PPP4R2: variants seen among roughly 807,000 people sequenced by gnomAD.
PPP4R2 encodes the protein serine/threonine-protein phosphatase 4 regulatory subunit 2.
In PPP4R2, 13 loss-of-function variants were observed where a neutral mutation model predicts 47.2. The observed-to-expected ratio is 0.28, with a 90% CI of 0.18 to 0.44. PPP4R2 has a LOEUF of 0.44. Ranked by LOEUF, PPP4R2 falls within the 20% of genes least tolerant of loss-of-function variation. The pLI is 1.00. For synonymous variants in PPP4R2, 151 were observed against 163.3 expected (o/e 0.92, Z 0.57); for missense variants, 421 against 491.2 (o/e 0.86, Z 1.35).
At chr3:73,011,930 G>C (rs1186482595) in intron 2 of PPP4R2, among the ~76,000 whole-genome samples, 1 of 152,158 alleles carries the variant, frequency 6.6e-6, no homozygotes, top group Non-Finnish European at 1.5e-5. Context: ...ATATGCTATA[G>C]AATTTGAAAT....
intron 1 of PPP4R2, 122 bp downstream of exon 1, chr3:72,997,193 C>T: frequency 4.3e-6 from 3 of 698,916 alleles, no homozygotes; most frequent in East Asian, 3.4e-5. Context: ...GCTTCCCGGG[C>T]TCCCATCCCC....
At chr3:72,998,631 ACT>A (rs1701399625) in intron 2 of PPP4R2, among the ~76,000 whole-genome samples, 1 of 151,796 alleles carries the variant, frequency 6.6e-6, no homozygotes, top group Non-Finnish European at 1.5e-5. Flanking sequence ...CGTCTGGAGG[ACT>A]CTGTTATTAT....
intron 3 of PPP4R2, among the ~76,000 whole-genome samples, chr3:73,057,843 C>G (rs1056860267): frequency 6.6e-6 from 1 of 152,096 alleles, no homozygotes; most frequent in African/African-American, 2.4e-5. Context: ...AACTCACTAA[C>G]TACTATACCT....
chr3:73,049,688 T>A (rs1162695412), intron 3 of PPP4R2, among the ~76,000 whole-genome samples: 3 of 151,476 alleles, frequency 2.0e-5, no homozygotes, highest in Non-Finnish European at 4.4e-5. Context: ...GAATTAGTAA[T>A]AGCAAATACC....
At chr3:73,034,130 G>C (rs891610019) in intron 2 of PPP4R2, among the ~76,000 whole-genome samples, 5 of 148,290 alleles carry the variant, frequency 3.4e-5, no homozygotes, top group African/African-American at 1.2e-4. Flanking sequence ...ACTTTTCTGT[G>C]TGTGGGTGTG....
In PPP4R2 at chr3:73,018,612, A is replaced by C. The variant is rs17010369; in HGVS notation, c.116+20454A>C. Among the ~76,000 whole-genome samples the C allele has an allele frequency of 6.1e-3, 925 of 151,240 alleles. 62 individuals carry two copies. The East Asian group carries it at 0.15, about 24-fold the overall frequency. On this transcript the variant is annotated intron_variant, in intron 2 of 8. Transcript: ENST00000356692. ...TCTTGGTCTTTAAAATTTTTTCTTCACCTAGGTTCTTCTTACCTTTCCAGT... is the reference window on the plus strand; with the variant it reads ...TCTTGGTCTTTAAAATTTTTTCTTCCCCTAGGTTCTTCTTACCTTTCCAGT...
At chr3:73,044,087 C>T (rs553537275) in intron 2 of PPP4R2, among the ~76,000 whole-genome samples, 1 of 151,676 alleles carries the variant, frequency 6.6e-6, no homozygotes, top group African/African-American at 2.4e-5. Context: ...GGATAATATT[C>T]GTGTGTGTGT....
chr3:73,015,028 C>G (rs1480334190), intron 2 of PPP4R2: 1 of 617,486 alleles, frequency 1.6e-6, no homozygotes, highest in South Asian at 1.9e-5. Context: ...TCGAAATATA[C>G]TCCTGGCCTG....
intron 2 of PPP4R2, among the ~76,000 whole-genome samples, chr3:73,018,452 T>TGTTATGTTATTTATG: frequency 1.0e-5 from 1 of 96,506 alleles, no homozygotes; most frequent in Non-Finnish European, 2.3e-5. Context: ...TGTTATGTTA[T>TGTTATGTTATTTATG]TTATGTTATG....
chr3:73,042,426 G>A (rs9810765), intron 2 of PPP4R2, among the ~76,000 whole-genome samples: 10,767 of 140,624 alleles, frequency 0.077, 575 homozygotes, highest in African/African-American at 0.15. Flanking sequence ...GTGCGGTGCT[G>A]CAATCTTGGC....
rs142119782 is a variant in PPP4R2, at chr3:73,004,923, T to TTG, written c.116+6771_116+6772dup. Reference sequence around the variant, plus strand: ...TTGAGTCGGAGTCATGTGTGTGTGTTTGTGTGTTTTGAGTCGGAGTCGTGT... The same window carrying TTG: ...TTGAGTCGGAGTCATGTGTGTGTGTTTGTGTGTGTTTTGAGTCGGAGTCGTGT... On this transcript the variant is annotated intron_variant, in intron 2 of 8. Transcript: ENST00000356692. 5.8e-4 allele frequency among the ~76,000 whole-genome samples: 81 copies of TTG among 140,060 alleles called. 3 individuals carry two copies. Among genetic ancestry groups the TTG allele is most frequent in the African/African-American group, 1.6e-3 (61 of 37,402 alleles). The allele number at this position is 140,060 out of a possible 152,430, so 91.9% of individuals were successfully genotyped here.
At chr3:72,997,165 G>A (rs1460012652) in intron 1 of PPP4R2, 94 bp downstream of exon 1, 1 of 1,069,738 alleles carries the variant, frequency 9.3e-7, no homozygotes, top group African/African-American at 1.6e-5. Context: ...CCGGGGCCGG[G>A]CGCGGCGTGG....
At chr3:73,005,756 C>T (rs988966003) in intron 2 of PPP4R2, among the ~76,000 whole-genome samples, 2 of 143,860 alleles carry the variant, frequency 1.4e-5, no homozygotes, top group South Asian at 2.2e-4. Context: ...CACCTGATCC[C>T]GGGAGGCAGA....
chr3:73,025,570 A>T (rs1702047660), intron 2 of PPP4R2, among the ~76,000 whole-genome samples: 1 of 152,218 alleles, frequency 6.6e-6, no homozygotes, highest in Admixed American at 6.5e-5. Context: ...TGGGAGCAGT[A>T]ACTTAAAAAG....
chr3:73,004,818 AT>A (rs1408549349), intron 2 of PPP4R2, among the ~76,000 whole-genome samples: 5 of 150,692 alleles, frequency 3.3e-5, no homozygotes, highest in East Asian at 2.0e-4. Flanking sequence ...TTCCTAAAAG[AT>A]TTTTTTCTTT....
rs895970954 is a variant in PPP4R2, at chr3:73,054,037, C to T, written c.288-5000C>T. On this transcript the variant is annotated intron_variant, in intron 3 of 8. Coordinates refer to ENST00000356692, the MANE Select transcript of PPP4R2 (RefSeq NM_174907.4). Reference sequence around the variant, plus strand: ...GTTTAAACAATTCTCCTGCCTCAAGCACCTGAGTAGCTGGGATTACAGGCA... The same window carrying T: ...GTTTAAACAATTCTCCTGCCTCAAGTACCTGAGTAGCTGGGATTACAGGCA... Among the ~76,000 whole-genome samples the T allele has an allele frequency of 8.6e-5, 13 of 151,980 alleles. 1 individual carries two copies. The highest frequency in any genetic ancestry group is 7.2e-4 in the Admixed American group (11 of 15,262).
chr3:73,046,527 T>G (rs1559562368), intron 2 of PPP4R2, among the ~76,000 whole-genome samples: 1 of 152,156 alleles, frequency 6.6e-6, no homozygotes, highest in East Asian at 1.9e-4. Flanking sequence ...GAAAGAGGGA[T>G]AAAAAGGTGT....
At chr3:73,061,708 G>C (rs1473803253) in intron 5 of PPP4R2, 1 of 204,256 alleles carries the variant, frequency 4.9e-6, no homozygotes, top group East Asian at 1.7e-4. Flanking sequence ...TTGGTTTAAG[G>C]TTAATCTGGC....
chr3:73,045,983 C>A (rs1702478159), intron 2 of PPP4R2, among the ~76,000 whole-genome samples: 1 of 152,114 alleles, frequency 6.6e-6, no homozygotes, highest in Non-Finnish European at 1.5e-5. Flanking sequence ...CATTTTGTTA[C>A]ACAGAATATG....
Sources: gnomAD v4.1 joint callset for allele counts (sites outside exome capture counted in the v4.1 genomes callset) on GRCh38, gnomAD v4.1.1 for gene constraint, MANE v1.5 for transcripts, NCBI Gene and HGNC (gene_info 2026-07-23, HGNC 2026-07-21) for gene names.